The following HEATR9 variants were observed in gnomAD, a reference collection of about 807,000 sequenced individuals.
HEATR9 encodes the protein protein HEATR9.
A neutral mutation model predicts 68.2 loss-of-function variants in HEATR9; 54 were observed. That is an observed-to-expected ratio of 0.79 (90% CI 0.64 to 0.99). HEATR9 has a LOEUF of 0.99. Among genes scored for constraint, HEATR9 ranks in the 50% least tolerant of loss-of-function variants. The probability of loss-of-function intolerance (pLI) is 0.00; values close to 1 mark genes in which losing one functional copy is unlikely to be tolerated. For missense variants in HEATR9, 662 were observed against 679.7 expected (o/e 0.97, Z 0.29); for synonymous variants, 241 against 253.5 (o/e 0.95, Z 0.47).
intron 1 of HEATR9, among the ~76,000 whole-genome samples, chr17:35,867,456 AGAGAT>A (rs2088247323): frequency 7.3e-6 from 1 of 136,348 alleles, no homozygotes; most frequent in Non-Finnish European, 1.6e-5. Flanking sequence ...AAAAAAAAAA[AGAGAT>A]AGCAGTTGCA....
chr17:35,862,019 CTAAGT>C (rs1248641136), intron 8 of HEATR9, among the ~76,000 whole-genome samples: 8 of 151,804 alleles, frequency 5.3e-5, no homozygotes, highest in Non-Finnish European at 1.0e-4. Context: ...CCACACCTGG[CTAAGT>C]TTTTATTTAT....
intron 12 of HEATR9, 75 bp downstream of exon 12, chr17:35,856,657 A>G (rs1039927080): frequency 2.3e-6 from 3 of 1,332,530 alleles, no homozygotes; most frequent in Non-Finnish European, 2.1e-6. Flanking sequence ...ACCCCTTCCC[A>G]CTGACCCTCT....
chr17:35,862,605 C>G lies in HEATR9; in HGVS notation c.756+390G>C, dbSNP rs1311414049. Among the ~76,000 whole-genome samples, 3 of 152,210 alleles carry G rather than the reference C, an allele frequency of 2.0e-5. No individual in the cohort carries two copies. In the East Asian group the frequency reaches 5.8e-4, roughly 29 times the overall value. On this transcript the variant is annotated intron_variant, in intron 8 of 14. Coordinates refer to ENST00000604834, the MANE Select transcript of HEATR9 (RefSeq NM_152781.4). ...CTATCAGACAATTACAGATGCTCCT[C>G]TATTTACAATGACGTCCCATGGATG...
chr17:35,856,431 G>A, intron 12 of HEATR9: 1 of 1,356,602 alleles, frequency 7.4e-7, no homozygotes, highest in Non-Finnish European at 1.0e-6. Flanking sequence ...ATGATGATCA[G>A]GACTGTCCAG....
intron 7 of HEATR9, 24 bp from the exon 8 acceptor site, chr17:35,863,149 C>A: frequency 6.2e-7 from 1 of 1,612,782 alleles, no homozygotes; most frequent in South Asian, 1.1e-5. Context: ...GGCCTCAAGT[C>A]AGGGCAGAGC....
Position 35,868,525 on chromosome 17 carries a change from A to G in HEATR9, c.88+130T>C, listed in dbSNP as rs2088290027. On this transcript the variant is annotated intron_variant, in intron 1 of 14. Coordinates refer to ENST00000604834, the MANE Select transcript of HEATR9 (RefSeq NM_152781.4). The stretch of plus-strand genomic sequence containing the variant: ...ACTGTGCAGAGCCATCAAAGTGTCC[A>G]AGGGCCTGCCCTGATGTTTCCCAAG... 8.1e-6 allele frequency: 12 copies of G among 1,481,962 alleles called. No homozygotes were observed. In the South Asian group the frequency reaches 1.6e-4, roughly 20 times the overall value. The allele number at this position is 1,481,962 out of a possible 1,614,324, so 91.8% of individuals were successfully genotyped here. A position where few individuals can be genotyped will look rare whatever the true frequency, so the allele number is the denominator to read the frequency against.
At position 35,856,813 on chromosome 17, in the gene HEATR9, G is replaced by A. The variant is rs1390381581; in HGVS notation, c.1153-8C>T. 6.3e-7 allele frequency: 1 copy of A among 1,598,110 alleles called. No homozygotes were observed. The highest frequency in any genetic ancestry group is 8.5e-7 in the Non-Finnish European group (1 of 1,171,628). The stretch of plus-strand genomic sequence containing the variant: ...CACAGCCTGCCTCACAGCCTGCAGA[G>A]GGATCAAAATGAGTCAACAGAGAGA... On this transcript the variant is annotated splice_region_variant and splice_polypyrimidine_tract_variant and intron_variant, in intron 11 of 14. Coordinates refer to ENST00000604834, the MANE Select transcript of HEATR9 (RefSeq NM_152781.4).
Position 35,856,015 on chromosome 17 carries a change from C to T in HEATR9, c.1278+158G>A, listed in dbSNP as rs1289529226. Among the ~76,000 whole-genome samples, 4 of 152,146 alleles carry T rather than the reference C, an allele frequency of 2.6e-5. No homozygotes were observed. The East Asian group carries it at 7.7e-4, about 29-fold the overall frequency. On this transcript the variant is annotated intron_variant, in intron 13 of 14. Coordinates refer to ENST00000604834, the MANE Select transcript of HEATR9 (RefSeq NM_152781.4). ...TCTTCTGTCCCTTAGCCCACCTACC[C>T]CCAACCCTGAAGAAAAGGTTCGGTA...
chr17:35,857,819 CA>C (rs1222588369), intron 11 of HEATR9, among the ~76,000 whole-genome samples: 23 of 152,132 alleles, frequency 1.5e-4, no homozygotes, highest in Non-Finnish European at 5.9e-5. Context: ...AATATAAAAG[CA>C]AGGGAACATA....
At chr17:35,862,930 C>T in intron 8 of HEATR9, 65 bp downstream of exon 8, 1 of 1,609,528 alleles carries the variant, frequency 6.2e-7, no homozygotes, top group African/African-American at 1.3e-5. Flanking sequence ...CACCCAACCC[C>T]AAGCTAAACC....
chr17:35,858,646 T>A (rs1481586825), intron 9 of HEATR9, 121 bp from the exon 10 acceptor site: 7 of 940,818 alleles, frequency 7.4e-6, no homozygotes, highest in Admixed American at 7.4e-5. Flanking sequence ...TTCTGCCTCT[T>A]CGCCTCTTGA....
rs560049919 is a variant in HEATR9, at chr17:35,868,877, T to C, written c.-135A>G. ...GGGGAGGTGTCTGGACTTCTGGAGG[T>C]AGAAGCTTCCAAGTGCTAAGCGACC... On this transcript the variant is annotated 5_prime_UTR_variant, in exon 1 of 15. Transcript: ENST00000604834. 92 of 710,752 alleles carry C rather than the reference T, an allele frequency of 1.3e-4. 1 individual carries two copies. In the East Asian group the frequency reaches 1.3e-3, roughly 10 times the overall value. 44.0% of individuals were successfully genotyped at this position (710,752 alleles called of 1,614,324 possible). A position where few individuals can be genotyped will look rare whatever the true frequency, so the allele number is the denominator to read the frequency against.
intron 8 of HEATR9, among the ~76,000 whole-genome samples, chr17:35,861,838 A>G (rs1347666165): frequency 2.0e-5 from 3 of 150,070 alleles, no homozygotes; most frequent in Admixed American, 6.6e-5. Flanking sequence ...CACCTCTAAC[A>G]TACTACATAA....
rs565905433 is a variant in HEATR9 at position 35,860,283 on chromosome 17, T to C, written c.757-1213A>G. On this transcript the variant is annotated intron_variant, in intron 8 of 14. Transcript: ENST00000604834. ...GGCAGCCGCCTGTAGTCCCAGCTACTCGGGAGGCTGAAGCAGGAGAATGGC... is the reference window on the plus strand; with the variant it reads ...GGCAGCCGCCTGTAGTCCCAGCTACCCGGGAGGCTGAAGCAGGAGAATGGC... Among the ~76,000 whole-genome samples the C allele has an allele frequency of 4.1e-3, 601 of 146,690 alleles. 6 individuals carry two copies. The highest frequency in any genetic ancestry group is 0.014 in the African/African-American group (538 of 39,732).
intron 1 of HEATR9, 75 bp downstream of exon 1, chr17:35,868,580 T>G: frequency 6.2e-7 from 1 of 1,602,624 alleles, no homozygotes; most frequent in East Asian, 2.2e-5. Flanking sequence ...GACCCTTGCC[T>G]GGGAGTGAGA....
At chr17:35,861,841 C>G (rs1277747653) in intron 8 of HEATR9, among the ~76,000 whole-genome samples, 1 of 151,678 alleles carries the variant, frequency 6.6e-6, no homozygotes, top group Non-Finnish European at 1.5e-5. Context: ...CTCTAACATA[C>G]TACATAATTT....
chr17:35,856,379 G>T lies in HEATR9; in HGVS notation c.1227-155C>A, dbSNP rs1482001068. ...GTTTCTTGGATCAGAAAAGGGGCAG[G>T]GAGAGGAAAAAGAGGCACCACAGTT... On this transcript the variant is annotated intron_variant, in intron 12 of 14. Coordinates refer to ENST00000604834, the MANE Select transcript of HEATR9 (RefSeq NM_152781.4). 4 of 1,567,530 alleles carry T rather than the reference G, an allele frequency of 2.6e-6. No homozygotes were observed. In the African/African-American group the frequency reaches 5.4e-5, roughly 21 times the overall value.
At position 35,864,202 on chromosome 17, in the gene HEATR9, C is replaced by T. The variant is rs766296584; in HGVS notation, c.567+44G>A. On this transcript the variant is annotated intron_variant, in intron 6 of 14. Coordinates refer to ENST00000604834, the MANE Select transcript of HEATR9 (RefSeq NM_152781.4). ...GTGCCCACATGCCACACATCTCAGA[C>T]CCTGTTTCCTTCTTTCCTGAACTCC... is the stretch of plus-strand genomic sequence containing the variant. 26 of 1,536,000 alleles carry T rather than the reference C, an allele frequency of 1.7e-5. No individual in the cohort carries two copies. In the East Asian group the frequency reaches 4.3e-4, roughly 25 times the overall value.
intron 13 of HEATR9, 27 bp from the exon 14 acceptor site, chr17:35,855,777 A>G (rs778281561): frequency 2.5e-6 from 4 of 1,587,534 alleles, no homozygotes; most frequent in South Asian, 1.1e-5. Flanking sequence ...GAGAGTGCCT[A>G]TGTAGCCAGC....
Sources: gnomAD v4.1 joint callset for allele counts (sites outside exome capture counted in the v4.1 genomes callset) on GRCh38, gnomAD v4.1.1 for gene constraint, MANE v1.5 for transcripts, NCBI Gene and HGNC (gene_info 2026-07-23, HGNC 2026-07-21) for gene names.